Variants in KMT2D observed in about 807,000 individuals in gnomAD.
KMT2D encodes histone-lysine N-methyltransferase 2D.
In KMT2D, 55 loss-of-function variants were observed where a neutral mutation model predicts 512.7. That is an observed-to-expected ratio of 0.11 (90% confidence interval 0.09 to 0.13). KMT2D has a LOEUF of 0.13. KMT2D is among the 10% of genes least tolerant of loss of function. The pLI is 1.00. For missense variants in KMT2D, 6,061 were observed against 7,127.9 expected, an observed-to-expected ratio of 0.85 and a Z score of 5.39; for synonymous variants, 2,995 against 2,904.0, an observed-to-expected ratio of 1.03 and a Z score of -1.01.
Position 49,019,592 on chromosome 12 carries a change from A to G in KMT2D, c.*2188T>C, listed in dbSNP as rs945411604. The stretch of plus-strand genomic sequence containing the variant: ...TCCCAATCCCAGGGCCCAAGCCCCA[A>G]ACACAGCCTGACTCACGGGAGCCAA... On this transcript the variant is annotated 3_prime_UTR_variant, in exon 55 of 55. Transcript: ENST00000301067. 6 of 229,018 alleles carry G rather than the reference A, an allele frequency of 2.6e-5. No homozygotes were observed. Among genetic ancestry groups the G allele is most frequent in the Non-Finnish European group, 5.2e-5 (6 of 115,250 alleles). The allele number at this position is 229,018 out of a possible 1,614,324, so 14.2% of individuals were successfully genotyped here.
rs576024905 is a variant in KMT2D at position 49,047,121 on chromosome 12, G to C, written c.4237-331C>G. On this transcript the variant is annotated intron_variant, in intron 15 of 54. Transcript: ENST00000301067. ...TCACCCTCCCGAAGTAAAGTGCTGG[G>C]ATTACAGGTGTGCGCCACCGTGCCC... 6.6e-5 allele frequency among the ~76,000 whole-genome samples: 10 copies of C among 152,174 alleles called. No homozygotes were observed. In the South Asian group the frequency reaches 1.0e-3, roughly 16 times the overall value.
Position 49,044,487 on chromosome 12 carries a change from C to T in KMT2D, c.4999G>A (p.Glu1667Lys), listed in dbSNP as rs2120584639. 6.2e-7 allele frequency: 1 copy of T among 1,613,996 alleles called. No individual in the cohort carries two copies. The highest frequency in any genetic ancestry group is 8.5e-7 in the Non-Finnish European group (1 of 1,179,880). Reference sequence around the variant, plus strand: ...TCCACATCAGGGCTGACGGGGCCCTCCAGTTTAATTTCGCACTCCATGTGC... The same window carrying T: ...TCCACATCAGGGCTGACGGGGCCCTTCAGTTTAATTTCGCACTCCATGTGC... ...VEHMECEIKL[E>K]GPVSPDVEPG... The change falls in exon 21 of 55, where the codon GAG becomes AAG. Residue 1667 changes from glutamate to lysine, a missense_variant. Glu to Lys is a moderately conservative substitution (Grantham distance 56). This residue lies in a region of KMT2D where 640 missense variants were observed against 814.3 expected (regional missense o/e 0.79). Coordinates refer to ENST00000301067, the MANE Select transcript of KMT2D (RefSeq NM_003482.4). This position sits in a 1 kb window ranked among gnomAD's most constrained non-coding sequence, Gnocchi z 6.4.
chr12:49,044,623 C>T lies in KMT2D; in HGVS notation c.4964-101G>A. The T allele has an allele frequency of 6.4e-7, 1 of 1,560,962 alleles. No individual in the cohort carries two copies. The highest frequency in any genetic ancestry group is 1.2e-5 in the South Asian group (1 of 84,704). On this transcript the variant is annotated intron_variant, in intron 20 of 54. Transcript: ENST00000301067. The surrounding 1 kb of genome is among the most constrained non-coding windows in gnomAD (Gnocchi z 6.4). The stretch of plus-strand genomic sequence containing the variant: ...AGAGCTGAATACCTTGCCTCAGAGC[C>T]ACTTAGACGAGACAGCAGTGCTTAA...
rs1943458219 is a variant in KMT2D at position 49,040,480 on chromosome 12, C to G, written c.7290G>C (p.Leu2430=). ...GTGATGGGCAAAAAGCTTCAGCAGA[C>G]AGAGGCCGGGGTGTCAGTGGAGACT... The part of the protein sequence containing the change: ...SSQSPLTPRP[L]SAEAFCPSPV... The change falls in exon 32 of 55, where the codon CTG becomes CTC. Residue 2430 remains leucine (L), a synonymous_variant. Coordinates refer to ENST00000301067, the MANE Select transcript of KMT2D (RefSeq NM_003482.4). 1 of 1,569,516 alleles carries G rather than the reference C, an allele frequency of 6.4e-7. No homozygotes were observed. The highest frequency in any genetic ancestry group is 1.2e-5 in the South Asian group (1 of 84,190).
chr12:49,056,234 AT>A (rs1938401060), intron 1 of KMT2D, among the ~76,000 whole-genome samples: 3 of 152,220 alleles, frequency 2.0e-5, no homozygotes, highest in African/African-American at 4.8e-5. Context: ...AGGGCAGGAC[AT>A]AGCACAGCAC....
chr12:49,048,728 TTCC>T lies in KMT2D; in HGVS notation c.4059_4061del (p.Glu1355del), dbSNP rs1188966742. On this transcript the variant is annotated inframe_deletion, in exon 14 of 55. Coordinates refer to ENST00000301067, the MANE Select transcript of KMT2D (RefSeq NM_003482.4). Reference sequence around the variant, plus strand: ...TATTCTGCATGGTGTCATCATCTTCTTCCTCCTCCTCCTTACTGGGAGAGCTAT... The same window carrying T: ...TATTCTGCATGGTGTCATCATCTTCTTCCTCCTCCTTACTGGGAGAGCTAT... 29 of 1,612,546 alleles carry T rather than the reference TTCC, an allele frequency of 1.8e-5. No homozygotes were observed. Among genetic ancestry groups the T allele is most frequent in the Non-Finnish European group, 2.1e-5 (25 of 1,178,892 alleles).
In KMT2D at chr12:49,020,543, A is replaced by G. The variant is rs1279489619; in HGVS notation, c.*1237T>C. 1 of 198,660 alleles carries G rather than the reference A, an allele frequency of 5.0e-6. No homozygotes were observed. Among genetic ancestry groups the G allele is most frequent in the African/African-American group, 2.3e-5 (1 of 43,198 alleles). 12.3% of individuals were successfully genotyped at this position (198,660 alleles called of 1,614,324 possible). A position where few individuals can be genotyped will look rare whatever the true frequency, so the allele number is the denominator to read the frequency against. ...CGGCTCCCCCATGCCCCACAAGACT[A>G]TGTACAATCCCATGTATAAATAGAT... On this transcript the variant is annotated 3_prime_UTR_variant, in exon 55 of 55. Transcript: ENST00000301067.
Position 49,033,366 on chromosome 12 carries a change from C to A in KMT2D, c.11339G>T (p.Ser3780Ile). Reference sequence around the variant, plus strand: ...CTGGACCAGGAGGCCTTGGTGGCTGCTGGGAGGCATAAGGCCCTGGGGCTT... The same window carrying A: ...CTGGACCAGGAGGCCTTGGTGGCTGATGGGAGGCATAAGGCCCTGGGGCTT... ...GPKPQGLMPP[S>I]SHQGLLVQQL... is the part of the protein sequence containing the mutation. The change falls in exon 40 of 55, where the codon AGC (serine) becomes ATC (isoleucine). Residue 3780 changes from serine (S) to isoleucine (I), a missense_variant. Physicochemically the swap from Ser to Ile is moderately radical, Grantham distance 142. This residue lies in a region of KMT2D where 1,600 missense variants were observed against 1,754.9 expected (regional missense o/e 0.91). Coordinates refer to ENST00000301067, the MANE Select transcript of KMT2D (RefSeq NM_003482.4). The A allele has an allele frequency of 6.3e-7, 1 of 1,583,294 alleles. No individual in the cohort carries two copies. The highest frequency in any genetic ancestry group is 8.6e-7 in the Non-Finnish European group (1 of 1,164,912).
rs771562260 is a variant in KMT2D, at chr12:49,044,434, G to A, written c.5052C>T (p.Ser1684=). 3 of 1,611,602 alleles carry A rather than the reference G, an allele frequency of 1.9e-6. No individual in the cohort carries two copies. The African/African-American group carries it at 4.0e-5, about 22-fold the overall frequency. The change falls in exon 21 of 55, where the codon AGC becomes AGT. Residue 1684 remains serine, a synonymous_variant. Coordinates refer to ENST00000301067, the MANE Select transcript of KMT2D (RefSeq NM_003482.4). This position sits in a 1 kb window ranked among gnomAD's most constrained non-coding sequence, Gnocchi z 6.4. ...GATATGGTTTACGCTTGCGTTTTTT[G>A]CTTTCCTCGGTCTCCTCTTTGCCAG... ...VEPGKEETEE[S]KKRKRKPYRP... is the part of the protein sequence containing the mutation.
chr12:49,039,696 G>A lies in KMT2D; in HGVS notation c.8046+28C>T, dbSNP rs1220905450. ...TGCCCCAGAGACAGGAGCGATATAG[G>A]GGGCTTAGCTCCAGGGTGTCAACTT... On this transcript the variant is annotated intron_variant, in intron 32 of 54. Coordinates refer to ENST00000301067, the MANE Select transcript of KMT2D (RefSeq NM_003482.4). The surrounding 1 kb of genome is among the most constrained non-coding windows in gnomAD (Gnocchi z 5.0). The A allele has an allele frequency of 1.2e-6, 2 of 1,607,814 alleles. No homozygotes were observed. The highest frequency in any genetic ancestry group is 1.3e-5 in the African/African-American group (1 of 74,966).
rs1234512305 is a variant in KMT2D, at chr12:49,040,821, C to T, written c.6949G>A (p.Gly2317Ser). 9.3e-6 allele frequency: 15 copies of T among 1,613,590 alleles called. No individual in the cohort carries two copies. The highest frequency in any genetic ancestry group is 2.2e-5 in the East Asian group (1 of 44,878). ...VDSPSSGTHLGGLELKTPDVF... is the reference protein window; with the variant it reads ...VDSPSSGTHLSGLELKTPDVF... ...TCAGGTGTCTTTAACTCCAGGCCAC[C>T]CAGGTGGGTGCCTGAGGAGGGTGAG... Residue 2317 changes from glycine to serine, a missense_variant, in exon 32 of 55, where the codon GGT becomes AGT. Coordinates refer to ENST00000301067, the MANE Select transcript of KMT2D (RefSeq NM_003482.4).
At position 49,039,529 on chromosome 12, in the gene KMT2D, C is replaced by T; in HGVS notation, c.8135G>A (p.Gly2712Glu). The change falls in exon 33 of 55, where the codon GGA (glycine) becomes GAA (glutamate). Residue 2712 changes from glycine to glutamate, a missense_variant. By Grantham distance (98) the Gly-to-Glu change is moderately conservative. Around this residue, in one of 16 missense-constraint regions of KMT2D, gnomAD observed 527 missense variants for 578.9 expected, o/e 0.91. Coordinates refer to ENST00000301067, the MANE Select transcript of KMT2D (RefSeq NM_003482.4). The surrounding 1 kb of genome is among the most constrained non-coding windows in gnomAD (Gnocchi z 5.0). ...CCAGCTGCCTGGAGGCCCCACTGCT[C>T]CTGCAGCTGCTGCAGCTGTTTCCTT... The part of the protein sequence containing the change: ...QEKETAAAAA[G>E]AVGPPGSWGA... The T allele has an allele frequency of 6.2e-7, 1 of 1,612,196 alleles. No individual in the cohort carries two copies. The highest frequency in any genetic ancestry group is 8.5e-7 in the Non-Finnish European group (1 of 1,179,438).
chr12:49,039,838 C>A lies in KMT2D; in HGVS notation c.7932G>T (p.Lys2644Asn), dbSNP rs369055827. Reference protein sequence around the residue: ...QRSGITSPVEKREDPGTGMGS... With the variant: ...QRSGITSPVENREDPGTGMGS... Reference sequence around the variant, plus strand: ...CCATTCCAGTCCCTGGGTCTTCTCGCTTTTCGACAGGAGAGGTGATGCCTG... The same window carrying A: ...CCATTCCAGTCCCTGGGTCTTCTCGATTTTCGACAGGAGAGGTGATGCCTG... Residue 2644 changes from lysine to asparagine, a missense_variant, in exon 32 of 55, where the codon AAG (lysine) becomes AAT (asparagine). By Grantham distance (94) the Lys-to-Asn change is moderately conservative. This residue lies in a region of KMT2D where 527 missense variants were observed against 578.9 expected (regional missense o/e 0.91). Coordinates refer to ENST00000301067, the MANE Select transcript of KMT2D (RefSeq NM_003482.4). This position sits in a 1 kb window ranked among gnomAD's most constrained non-coding sequence, Gnocchi z 5.0. 18 of 1,613,952 alleles carry A rather than the reference C, an allele frequency of 1.1e-5. No individual in the cohort carries two copies. Among genetic ancestry groups the A allele is most frequent in the Non-Finnish European group, 1.4e-5 (17 of 1,179,916 alleles).
rs1942309970 is a variant in KMT2D, at chr12:49,021,208, A to C, written c.*572T>G. The C allele has an allele frequency of 5.0e-6, 1 of 198,938 alleles. No individual in the cohort carries two copies. Among genetic ancestry groups the C allele is most frequent in the Non-Finnish European group, 1.0e-5 (1 of 96,238 alleles). The allele number at this position is 198,938 out of a possible 1,614,324, so 12.3% of individuals were successfully genotyped here. On this transcript the variant is annotated 3_prime_UTR_variant, in exon 55 of 55. Coordinates refer to ENST00000301067, the MANE Select transcript of KMT2D (RefSeq NM_003482.4). ...GTTGCATTTGTCAGAGTGGAAAACAAGGAAACACAACCCATAGAGAGACAG... is the reference window on the plus strand; with the variant it reads ...GTTGCATTTGTCAGAGTGGAAAACACGGAAACACAACCCATAGAGAGACAG...
rs2137707597 is a variant in KMT2D, at chr12:49,022,820, C to T, written c.16108G>A (p.Gly5370Ser). 6.2e-7 allele frequency: 1 copy of T among 1,613,412 alleles called. No homozygotes were observed. Among genetic ancestry groups the T allele is most frequent in the Non-Finnish European group, 8.5e-7 (1 of 1,179,568 alleles). The change falls in exon 52 of 55, where the codon GGC becomes AGC. Residue 5370 changes from glycine (G) to serine (S), a missense_variant. Coordinates refer to ENST00000301067, the MANE Select transcript of KMT2D (RefSeq NM_003482.4). The surrounding 1 kb of genome is among the most constrained non-coding windows in gnomAD (Gnocchi z 8.6). ...MSKAYQSTFT[G>S]ETNTPYSKQF... ...TTGCTGTAGGGGGTGTTGGTCTCGC[C>T]TGTGAAGGTGCTCTGATATGCCTTA...
In KMT2D at chr12:49,041,899, T is replaced by C. The variant is rs1339819372; in HGVS notation, c.6183+18A>G. ...CCCTCTCAGTTCCCACGCTAATCCA[T>C]GCTCCTTTCTGCCTCACCAGGTAGG... On this transcript the variant is annotated intron_variant, in intron 30 of 54. Coordinates refer to ENST00000301067, the MANE Select transcript of KMT2D (RefSeq NM_003482.4). This position sits in a 1 kb window ranked among gnomAD's most constrained non-coding sequence, Gnocchi z 5.4. 1.3e-6 allele frequency: 2 copies of C among 1,593,828 alleles called. No individual in the cohort carries two copies. The highest frequency in any genetic ancestry group is 1.3e-5 in the African/African-American group (1 of 74,686).
At position 49,029,253 on chromosome 12, in the gene KMT2D, G is replaced by A. The variant is rs1274978659; in HGVS notation, c.14076-17C>T. On this transcript the variant is annotated splice_polypyrimidine_tract_variant and intron_variant, in intron 44 of 54. Coordinates refer to ENST00000301067, the MANE Select transcript of KMT2D (RefSeq NM_003482.4). The stretch of plus-strand genomic sequence containing the variant: ...CTCTCCATCCTGGGGACCAAAAGTA[G>A]ACATTTGTTGCTACAGCCCTGCAGA... The A allele has an allele frequency of 1.0e-5, 16 of 1,607,760 alleles. No individual in the cohort carries two copies. The highest frequency in any genetic ancestry group is 1.3e-5 in the African/African-American group (1 of 74,830).
At position 49,019,060 on chromosome 12, in the gene KMT2D, C is replaced by G; in HGVS notation, c.*2720G>C. On this transcript the variant is annotated 3_prime_UTR_variant, in exon 55 of 55. Transcript: ENST00000301067. ...TCCAAAACTTGCCCTTTGCCTCTCGCAACATAAATATGTACAGTTCAGAAT... is the reference window on the plus strand; with the variant it reads ...TCCAAAACTTGCCCTTTGCCTCTCGGAACATAAATATGTACAGTTCAGAAT... The G allele has an allele frequency of 5.2e-6, 7 of 1,351,892 alleles. No individual in the cohort carries two copies. Among genetic ancestry groups the G allele is most frequent in the Non-Finnish European group, 4.8e-6 (5 of 1,050,686 alleles). 83.7% of individuals were successfully genotyped at this position (1,351,892 alleles called of 1,614,324 possible).
intron 14 of KMT2D, 73 bp downstream of exon 14, chr12:49,048,586 G>A (rs557746609): frequency 1.0e-6 from 1 of 1,001,414 alleles, no homozygotes; most frequent in East Asian, 2.4e-5. Flanking sequence ...AGTAGGTCCA[G>A]TTTTCCCATC....
Sources: gnomAD v4.1 joint callset for allele counts (sites outside exome capture counted in the v4.1 genomes callset) on GRCh38, gnomAD v4.1.1 for gene constraint, gnomAD v4.1.1 regional missense constraint, Gnocchi (gnomAD v3.1) non-coding constraint, MANE v1.5 for transcripts, NCBI Gene and HGNC (gene_info 2026-07-23, HGNC 2026-07-21) for gene names.